Variants in UBE2E2 observed in about 807,000 individuals in gnomAD.
The protein encoded by UBE2E2 is ubiquitin-conjugating enzyme E2 E2.
In UBE2E2, 6 loss-of-function variants were observed where a neutral mutation model predicts 24.7. The ratio of observed to expected loss-of-function variants is 0.24; its 90% CI spans 0.13 to 0.48. UBE2E2 has a LOEUF of 0.48. Among genes scored for constraint, UBE2E2 ranks in the 20% least tolerant of loss-of-function variants. The pLI is 0.99. For synonymous variants in UBE2E2, 104 were observed against 83.6 expected, an observed-to-expected ratio of 1.24 and a Z score of -1.33; for missense variants, 169 against 245.0, an observed-to-expected ratio of 0.69 and a Z score of 2.07.
chr3:23,359,663 T>C (rs2125329955), intron 3 of UBE2E2, among the ~76,000 whole-genome samples: 1 of 152,276 alleles, frequency 6.6e-6, no homozygotes, highest in Admixed American at 6.5e-5. Flanking sequence ...AAATTTCTAA[T>C]GATATGTCCT....
intron 3 of UBE2E2, among the ~76,000 whole-genome samples, chr3:23,286,806 T>A (rs1422041711): frequency 6.6e-6 from 1 of 152,184 alleles, no homozygotes; most frequent in African/African-American, 2.4e-5. Flanking sequence ...GTATGTGTCC[T>A]TTTCAGTTTA....
At chr3:23,267,619 C>T (rs1698087016) in intron 3 of UBE2E2, among the ~76,000 whole-genome samples, 1 of 151,838 alleles carries the variant, frequency 6.6e-6, no homozygotes, top group Admixed American at 6.6e-5. Context: ...CGAATTCTAC[C>T]AGAGGTACAA....
intron 3 of UBE2E2, among the ~76,000 whole-genome samples, chr3:23,410,534 A>ACTAATCCTCATAATAAAT (rs1434660090): frequency 1.3e-5 from 2 of 152,172 alleles, no homozygotes; most frequent in African/African-American, 4.8e-5. Flanking sequence ...GTTTATTATG[A>ACTAATCCTCATAATAAAT]GGATTAGGGT....
At chr3:23,332,704 TGTGTGTGTGTGTGTGC>T (rs2125302718) in intron 3 of UBE2E2, among the ~76,000 whole-genome samples, 1 of 150,790 alleles carries the variant, frequency 6.6e-6, no homozygotes, top group Admixed American at 6.6e-5. Context: ...TGTGTGTGTG[TGTGTGTGTGTGTGTGC>T]AGCTATGGAT....
chr3:23,352,822 C>A (rs1246921403), intron 3 of UBE2E2, among the ~76,000 whole-genome samples: 2 of 152,134 alleles, frequency 1.3e-5, no homozygotes, highest in East Asian at 3.8e-4. Flanking sequence ...GGAACTGGTA[C>A]GATTCTTTCT....
chr3:23,291,732 G>GA (rs1443952803), intron 3 of UBE2E2, among the ~76,000 whole-genome samples: 3 of 144,956 alleles, frequency 2.1e-5, no homozygotes, highest in Non-Finnish European at 4.5e-5. Context: ...GCCCAGGCTG[G>GA]AGTGCAGTGG....
At chr3:23,586,682 T>G (rs1434874185) in intron 5 of UBE2E2, among the ~76,000 whole-genome samples, 1 of 152,232 alleles carries the variant, frequency 6.6e-6, no homozygotes, top group Non-Finnish European at 1.5e-5. Context: ...AAGATTTGTA[T>G]AACTTCCAAA....
intron 3 of UBE2E2, among the ~76,000 whole-genome samples, chr3:23,317,113 G>A (rs948994672): frequency 3.3e-5 from 5 of 152,178 alleles, no homozygotes; most frequent in Non-Finnish European, 5.9e-5. Flanking sequence ...TCCTTGGCTG[G>A]TGTGTCACTA....
At position 23,208,708 on chromosome 3, in the gene UBE2E2, T is replaced by A; in HGVS notation, c.9T>A (p.Thr3=). The A allele has an allele frequency of 1.2e-6, 2 of 1,606,630 alleles. No individual in the cohort carries two copies. The highest frequency in any genetic ancestry group is 8.5e-7 in the Non-Finnish European group (1 of 1,177,000). The change falls in exon 2 of 6, where the codon ACT becomes ACA. Residue 3 remains threonine (T), a synonymous_variant. Coordinates refer to ENST00000396703, the MANE Select transcript of UBE2E2 (RefSeq NM_152653.4). ...TTAATCCAGGATCTAAAATGTCCAC[T>A]GAGGCACAAAGAGTTGATGACAGTC... MS[T]EAQRVDDSPS...
At chr3:23,487,989 T>TAA (rs200515403) in intron 3 of UBE2E2, among the ~76,000 whole-genome samples, 3 of 144,542 alleles carry the variant, frequency 2.1e-5, no homozygotes, top group Non-Finnish European at 1.5e-5. Context: ...AAGGAATATT[T>TAA]AAAAAAAAAA....
chr3:23,448,251 C>A (rs949226310), intron 3 of UBE2E2, among the ~76,000 whole-genome samples: 1 of 152,114 alleles, frequency 6.6e-6, no homozygotes, highest in South Asian at 2.1e-4. Context: ...TCCAGTTCCA[C>A]CCCTAGGAAC....
intron 3 of UBE2E2, among the ~76,000 whole-genome samples, chr3:23,456,042 C>T (rs1190704653): frequency 2.0e-5 from 3 of 152,180 alleles, no homozygotes; most frequent in African/African-American, 4.8e-5. Context: ...ATTCTGAATC[C>T]TTTGTTGACA....
chr3:23,261,169 G>A (rs1182808885), intron 3 of UBE2E2, among the ~76,000 whole-genome samples: 2 of 151,732 alleles, frequency 1.3e-5, no homozygotes, highest in African/African-American at 2.4e-5. Flanking sequence ...TGTAACTGTG[G>A]TAGAATTTTT....
intron 4 of UBE2E2, among the ~76,000 whole-genome samples, chr3:23,526,484 T>C (rs577973064): frequency 6.6e-6 from 1 of 152,318 alleles, no homozygotes; most frequent in Admixed American, 6.5e-5. Flanking sequence ...AACAGTGGGC[T>C]CTTTATGTAT....
At chr3:23,481,882 T>C (rs539693171) in intron 3 of UBE2E2, among the ~76,000 whole-genome samples, 15 of 152,216 alleles carry the variant, frequency 9.9e-5, no homozygotes, top group Non-Finnish European at 2.2e-4. Flanking sequence ...GTAAAATCTG[T>C]GTTTGTTTTG....
chr3:23,242,623 T>G (rs1424299521), intron 3 of UBE2E2, among the ~76,000 whole-genome samples: 1 of 152,120 alleles, frequency 6.6e-6, no homozygotes, highest in Non-Finnish European at 1.5e-5. Flanking sequence ...TGCAGATGGA[T>G]ATCAGGTTAA....
At chr3:23,479,274 G>T (rs979039137) in intron 3 of UBE2E2, among the ~76,000 whole-genome samples, 2 of 152,192 alleles carry the variant, frequency 1.3e-5, no homozygotes, top group Admixed American at 6.5e-5. Flanking sequence ...GCATAGCCAG[G>T]CATGCCAGCT....
chr3:23,290,427 A>C (rs76639276), intron 3 of UBE2E2, among the ~76,000 whole-genome samples: 21 of 152,164 alleles, frequency 1.4e-4, no homozygotes, highest in Admixed American at 1.4e-3. Context: ...GATGGGGCCT[A>C]AGATTCTAAC....
At chr3:23,575,012 A>G (rs1696316984) in intron 5 of UBE2E2, among the ~76,000 whole-genome samples, 1 of 152,180 alleles carries the variant, frequency 6.6e-6, no homozygotes, top group Admixed American at 6.5e-5. Context: ...TTGGATCTTC[A>G]GATTAGGGCT....
Sources: gnomAD v4.1 joint callset for allele counts (sites outside exome capture counted in the v4.1 genomes callset) on GRCh38, gnomAD v4.1.1 for gene constraint, MANE v1.5 for transcripts, NCBI Gene and HGNC (gene_info 2026-07-23, HGNC 2026-07-21) for gene names.